The following FRMD4A variants were observed in gnomAD, a reference collection of about 807,000 sequenced individuals.
FRMD4A encodes the protein FERM domain containing 4A.
FRMD4A carries 29 observed loss-of-function variants against 129.1 expected under a neutral mutation model. The ratio of observed to expected loss-of-function variants is 0.22; its 90% confidence interval spans 0.17 to 0.31. FRMD4A has a LOEUF of 0.31. Ranked by LOEUF, FRMD4A falls within the 10% of genes least tolerant of loss-of-function variation. FRMD4A has a pLI of 1.00. For missense variants in FRMD4A, 1,272 were observed against 1,375.8 expected, an observed-to-expected ratio of 0.92 and a Z score of 1.19; for synonymous variants, 634 against 571.6, an observed-to-expected ratio of 1.11 and a Z score of -1.56.
chr10:13,674,535 T>C (rs2083802607), intron 16 of FRMD4A, among the ~76,000 whole-genome samples: 1 of 152,186 alleles, frequency 6.6e-6, no homozygotes, highest in Admixed American at 6.5e-5. Context: ...GCTTTCCAAA[T>C]AATTAAAGGC....
At position 14,023,564 on chromosome 10, in the gene FRMD4A, AC is replaced by A. The variant is rs1249569070; in HGVS notation, c.46-164653del. Among the ~76,000 whole-genome samples, 17 of 152,208 alleles carry A rather than the reference AC, an allele frequency of 1.1e-4. No homozygotes were observed. In the South Asian group the frequency reaches 3.3e-3, roughly 30 times the overall value. ...GAGAAGACCTTTCAGCTGCCTTACC[AC>A]CTGTGTATTTCACAGTCTTGCAGTT... On this transcript the variant is annotated intron_variant, in intron 2 of 24. Transcript: ENST00000357447.
intron 21 of FRMD4A, among the ~76,000 whole-genome samples, chr10:13,658,776 G>T (rs1199246244): frequency 6.6e-6 from 1 of 151,862 alleles, no homozygotes; most frequent in Non-Finnish European, 1.5e-5. Context: ...CACCTACTTG[G>T]GAGGCTGAGG....
At chr10:14,167,292 G>T (rs1400487414) in intron 2 of FRMD4A, among the ~76,000 whole-genome samples, 1 of 152,136 alleles carries the variant, frequency 6.6e-6, no homozygotes, top group South Asian at 2.1e-4. Context: ...AGCAGTTTGG[G>T]AGGGTGAGGT....
intron 2 of FRMD4A, among the ~76,000 whole-genome samples, chr10:14,219,319 G>T (rs137894868): frequency 1.6e-3 from 249 of 152,242 alleles, no homozygotes; most frequent in South Asian, 0.012. Context: ...CCCTCTGCCC[G>T]ATGCTTTTAA....
intron 12 of FRMD4A, among the ~76,000 whole-genome samples, chr10:13,717,248 T>G (rs1303625991): frequency 6.6e-6 from 1 of 152,238 alleles, no homozygotes; most frequent in Non-Finnish European, 1.5e-5. Context: ...GAGAAAATGA[T>G]GGTAGGCCAT....
chr10:13,661,437 A>AGGGGCT (rs1233796084), intron 19 of FRMD4A, among the ~76,000 whole-genome samples: 4 of 152,148 alleles, frequency 2.6e-5, no homozygotes, highest in African/African-American at 9.7e-5. Context: ...CTGGCCAGGC[A>AGGGGCT]GGGGCTGGTG....
intron 12 of FRMD4A, among the ~76,000 whole-genome samples, chr10:13,708,818 T>C (rs1177867404): frequency 3.3e-5 from 5 of 152,152 alleles, no homozygotes; most frequent in Non-Finnish European, 7.3e-5. Context: ...TCAGCGACAT[T>C]CCACCTGAAC....
chr10:14,179,168 G>A (rs988953793), intron 2 of FRMD4A, among the ~76,000 whole-genome samples: 4 of 152,076 alleles, frequency 2.6e-5, no homozygotes, highest in African/African-American at 9.7e-5. Flanking sequence ...CATTTTTGAG[G>A]TTAATTTATT....
intron 2 of FRMD4A, among the ~76,000 whole-genome samples, chr10:14,113,795 T>G (rs1589004219): frequency 6.6e-6 from 1 of 152,212 alleles, no homozygotes; most frequent in African/African-American, 2.4e-5. Flanking sequence ...TGCGTGTGTG[T>G]GTGTGCTGCC....
At chr10:14,026,010 T>G (rs1832970477) in intron 2 of FRMD4A, among the ~76,000 whole-genome samples, 2 of 152,178 alleles carry the variant, frequency 1.3e-5, no homozygotes, top group South Asian at 4.1e-4. Flanking sequence ...AAAATCAGCC[T>G]TCGTCTAGCA....
At chr10:13,734,863 T>C (rs2090542442) in intron 12 of FRMD4A, among the ~76,000 whole-genome samples, 2 of 148,444 alleles carry the variant, frequency 1.3e-5, no homozygotes, top group South Asian at 4.2e-4. Flanking sequence ...TATTTATTTA[T>C]TTATTTATTT....
chr10:14,117,189 C>A (rs973017148), intron 2 of FRMD4A, among the ~76,000 whole-genome samples: 1 of 152,178 alleles, frequency 6.6e-6, no homozygotes, highest in Non-Finnish European at 1.5e-5. Context: ...CTTGGAGGAC[C>A]CAGACTAACA....
At chr10:13,800,015 TA>T (rs10629467) in intron 4 of FRMD4A, among the ~76,000 whole-genome samples, 32 of 150,090 alleles carry the variant, frequency 2.1e-4, no homozygotes, top group African/African-American at 7.1e-4. Flanking sequence ...CCATCTCTAC[TA>T]AAAAAAAATA....
chr10:13,961,826 AATC>A (rs765086321), intron 2 of FRMD4A, among the ~76,000 whole-genome samples: 4 of 152,198 alleles, frequency 2.6e-5, no homozygotes, highest in Non-Finnish European at 5.9e-5. Context: ...AAGAATATGG[AATC>A]ATATTTTTTT....
intron 2 of FRMD4A, among the ~76,000 whole-genome samples, chr10:14,055,104 A>C (rs542082365): frequency 6.6e-6 from 1 of 152,280 alleles, no homozygotes; most frequent in South Asian, 2.1e-4. Flanking sequence ...CCCCAGGAAG[A>C]TGGGAGGTGA....
intron 3 of FRMD4A, among the ~76,000 whole-genome samples, chr10:13,849,972 C>G (rs923690042): frequency 6.6e-6 from 1 of 151,228 alleles, no homozygotes; most frequent in Admixed American, 6.6e-5. Flanking sequence ...AGTTCGAGAC[C>G]AGCCTGGCCA....
At position 14,301,476 on chromosome 10, in the gene FRMD4A, C is replaced by T. The variant is rs191440911; in HGVS notation, c.45+28582G>A. ...CAGAAGGCAGGGTGTGAGACAGATG[C>T]CTCTATTTTACTTTTGACATTACAC... On this transcript the variant is annotated intron_variant, in intron 2 of 24. Transcript: ENST00000357447. Among the ~76,000 whole-genome samples, 5 of 152,258 alleles carry T rather than the reference C, an allele frequency of 3.3e-5. No homozygotes were observed. The South Asian group carries it at 8.3e-4, about 25-fold the overall frequency.
At chr10:13,812,482 ACATT>A (rs1383491528) in intron 3 of FRMD4A, among the ~76,000 whole-genome samples, 5 of 152,374 alleles carry the variant, frequency 3.3e-5, no homozygotes, top group African/African-American at 7.2e-5. Flanking sequence ...AATACAACAG[ACATT>A]TATTTATTGA....
At chr10:14,027,270 G>T (rs1430327976) in intron 2 of FRMD4A, among the ~76,000 whole-genome samples, 1 of 151,482 alleles carries the variant, frequency 6.6e-6, no homozygotes, top group South Asian at 2.1e-4. Context: ...CAGTTGCCAA[G>T]AGAGAGTTGA....
Sources: allele counts gnomAD v4.1 joint callset (sites outside exome capture counted in the v4.1 genomes callset), GRCh38; gene constraint gnomAD v4.1.1; transcripts MANE v1.5; gene names NCBI Gene and HGNC (gene_info 2026-07-23, HGNC 2026-07-21).